The following SPATA17 variants were observed in gnomAD, a reference collection of about 807,000 sequenced individuals.
SPATA17 encodes the protein spermatogenesis associated 17, also known as spermatogenesis-associated protein 17.
SPATA17 carries 53 observed loss-of-function variants against 62.2 expected under a neutral mutation model. That is an observed-to-expected ratio of 0.85 (90% CI 0.68 to 1.07). The LOEUF (loss-of-function observed/expected upper bound fraction) is 1.07, where lower values mean the gene tolerates loss of function less well. Among genes scored for constraint, SPATA17 ranks in the 50% least tolerant of loss-of-function variants. SPATA17 has a pLI of 0.00. For synonymous variants in SPATA17, 146 were observed against 146.8 expected (o/e 0.99, Z 0.04); for missense variants, 466 against 425.5 (o/e 1.10, Z -0.84).
At chr1:217,791,984 T>G (rs965540463) in intron 8 of SPATA17, among the ~76,000 whole-genome samples, 2 of 152,130 alleles carry the variant, frequency 1.3e-5, no homozygotes, top group African/African-American at 4.8e-5. Flanking sequence ...TGTCCAGTTT[T>G]TTGGCTTCCC....
chr1:217,722,951 T>G (rs1456164661), intron 5 of SPATA17, among the ~76,000 whole-genome samples: 2 of 152,152 alleles, frequency 1.3e-5, no homozygotes, highest in African/African-American at 4.8e-5. Context: ...CATGTACCAT[T>G]CATTTTTCCT....
intron 6 of SPATA17, among the ~76,000 whole-genome samples, chr1:217,752,820 C>T: frequency 6.6e-6 from 1 of 152,250 alleles, no homozygotes; most frequent in South Asian, 2.1e-4. Flanking sequence ...TGTCCTATTG[C>T]AATGAAGCCC....
intron 6 of SPATA17, among the ~76,000 whole-genome samples, chr1:217,755,296 A>G (rs1673013741): frequency 6.6e-6 from 1 of 152,216 alleles, no homozygotes; most frequent in Admixed American, 6.5e-5. Flanking sequence ...ACAGTTAGAA[A>G]TATTTTACTC....
At chr1:217,647,785 G>A (rs1032042602) in intron 1 of SPATA17, among the ~76,000 whole-genome samples, 3 of 151,910 alleles carry the variant, frequency 2.0e-5, no homozygotes, top group Admixed American at 6.6e-5. Context: ...GTGCAATGGC[G>A]CTATCTCAGC....
At chr1:217,637,869 A>G (rs149185360) in intron 1 of SPATA17, among the ~76,000 whole-genome samples, 1 of 152,284 alleles carries the variant, frequency 6.6e-6, no homozygotes, top group East Asian at 1.9e-4. Context: ...CTAACTCTGT[A>G]TTACTTTAGG....
chr1:217,676,893 A>G lies in SPATA17; in HGVS notation c.292-6365A>G, dbSNP rs565115569. On this transcript the variant is annotated intron_variant, in intron 4 of 10. Transcript: ENST00000366933. ...CTTACAGAATGTTAAAGAACTACAG[A>G]TGTAATTAATTGTTTCAAGTAAAAT... Among the ~76,000 whole-genome samples the G allele has an allele frequency of 4.6e-5, 7 of 152,300 alleles. No individual in the cohort carries two copies. The South Asian group carries it at 1.2e-3, about 27-fold the overall frequency.
At chr1:217,860,817 A>G (rs986593515) in intron 9 of SPATA17, among the ~76,000 whole-genome samples, 2 of 152,106 alleles carry the variant, frequency 1.3e-5, no homozygotes, top group African/African-American at 2.4e-5. Context: ...CATTTAAACT[A>G]TCCACATTTA....
intron 5 of SPATA17, among the ~76,000 whole-genome samples, chr1:217,710,335 A>G (rs1558575264): frequency 6.6e-6 from 1 of 152,124 alleles, no homozygotes; most frequent in Non-Finnish European, 1.5e-5. Flanking sequence ...AACTAACTAC[A>G]GAGTTACAGA....
intron 1 of SPATA17, among the ~76,000 whole-genome samples, chr1:217,643,586 T>C (rs1286653179): frequency 6.6e-6 from 1 of 152,002 alleles, no homozygotes; most frequent in East Asian, 1.9e-4. Flanking sequence ...GACTTCCTCC[T>C]CCCACACCCT....
At chr1:217,828,922 A>T (rs1026354872) in intron 9 of SPATA17, among the ~76,000 whole-genome samples, 2 of 152,176 alleles carry the variant, frequency 1.3e-5, no homozygotes, top group Admixed American at 6.6e-5. Flanking sequence ...GATGGCCGTT[A>T]TCAAAAAGAT....
At chr1:217,722,262 A>G (rs970327521) in intron 5 of SPATA17, among the ~76,000 whole-genome samples, 1 of 152,198 alleles carries the variant, frequency 6.6e-6, no homozygotes, top group African/African-American at 2.4e-5. Flanking sequence ...ATTCAAACAA[A>G]TTGGCAATGG....
chr1:217,859,361 T>C (rs1341558980), intron 9 of SPATA17, among the ~76,000 whole-genome samples: 3 of 150,496 alleles, frequency 2.0e-5, no homozygotes, highest in African/African-American at 4.9e-5. Context: ...ATAATTTCTA[T>C]AGGTTTATAA....
chr1:217,757,999 T>G (rs1673088104), intron 6 of SPATA17, among the ~76,000 whole-genome samples: 1 of 152,146 alleles, frequency 6.6e-6, no homozygotes, highest in African/African-American at 2.4e-5. Context: ...TTAGTGGTAC[T>G]GGGGGCCAGC....
intron 5 of SPATA17, among the ~76,000 whole-genome samples, chr1:217,735,816 G>T (rs979467860): frequency 6.6e-6 from 1 of 152,024 alleles, no homozygotes; most frequent in Admixed American, 6.6e-5. Context: ...AACAAGAAAA[G>T]CAAAAAGAAT....
intron 4 of SPATA17, among the ~76,000 whole-genome samples, chr1:217,673,704 G>A (rs1194294088): frequency 1.3e-5 from 2 of 152,070 alleles, no homozygotes; most frequent in African/African-American, 4.8e-5. Flanking sequence ...TCTATATAGT[G>A]AGCACTTGGG....
chr1:217,649,352 A>T (rs1312163444), intron 2 of SPATA17, among the ~76,000 whole-genome samples: 2 of 152,046 alleles, frequency 1.3e-5, no homozygotes, highest in African/African-American at 4.8e-5. Flanking sequence ...GGTGGTGCAC[A>T]TCTGTAATCC....
intron 2 of SPATA17, among the ~76,000 whole-genome samples, chr1:217,650,245 A>C (rs927078925): frequency 1.3e-5 from 2 of 151,972 alleles, no homozygotes; most frequent in East Asian, 3.9e-4. Context: ...GGAAGACAAG[A>C]CTTCTCTTTT....
At chr1:217,758,367 G>C (rs947511821) in intron 6 of SPATA17, among the ~76,000 whole-genome samples, 1 of 152,162 alleles carries the variant, frequency 6.6e-6, no homozygotes, top group Admixed American at 6.5e-5. Flanking sequence ...TACTTACTTT[G>C]TGTCAACCAC....
chr1:217,720,931 T>C (rs1449477426), intron 5 of SPATA17, among the ~76,000 whole-genome samples: 1 of 152,166 alleles, frequency 6.6e-6, no homozygotes, highest in Non-Finnish European at 1.5e-5. Flanking sequence ...GAACTATTGA[T>C]AGTCACTGAA....
Sources: allele counts gnomAD v4.1 joint callset (sites outside exome capture counted in the v4.1 genomes callset), GRCh38; gene constraint gnomAD v4.1.1; transcripts MANE v1.5; gene names NCBI Gene and HGNC (gene_info 2026-07-23, HGNC 2026-07-21).